ZNF225: variants seen among roughly 807,000 people sequenced by gnomAD.
ZNF225 encodes the protein zinc finger protein 225.
Under a neutral mutation model 12.0 loss-of-function variants are expected in ZNF225, and 6 were observed. That is an observed-to-expected ratio of 0.50 (90% CI 0.27 to 0.98). The LOEUF is 0.98. Ranked by LOEUF, ZNF225 falls within the 50% of genes least tolerant of loss-of-function variation. The pLI is 0.11. For synonymous variants in ZNF225, 271 were observed against 283.2 expected (o/e 0.96, Z 0.43); for missense variants, 763 against 848.2 (o/e 0.90, Z 1.25).
intron 4 of ZNF225, among the ~76,000 whole-genome samples, chr19:44,122,646 A>G (rs1968076972): frequency 6.6e-6 from 1 of 152,086 alleles, no homozygotes; most frequent in Admixed American, 6.6e-5. Context: ...ATGTGTTTCC[A>G]TTTGTTTGTG....
intron 4 of ZNF225, among the ~76,000 whole-genome samples, chr19:44,118,992 A>AT (rs1403137293): frequency 6.6e-6 from 1 of 151,442 alleles, no homozygotes; most frequent in Admixed American, 6.6e-5. Context: ...AATTTTTTGT[A>AT]TTTTTAGTAG....
chr19:44,132,645 G>T lies in ZNF225; in HGVS notation c.2031G>T (p.Glu677Asp). 1 of 1,613,808 alleles carries T rather than the reference G, an allele frequency of 6.2e-7. No individual in the cohort carries two copies. The highest frequency in any genetic ancestry group is 8.5e-7 in the Non-Finnish European group (1 of 1,179,930). ...ACCAACAAAGAGACCAAAGTGGAGA[G>T]AAAACATCTAAATGTGAGGACTGTG... ...LKDQQRDQSG[E>D]KTSKCEDCGK... is the part of the protein sequence containing the mutation. The change falls in exon 5 of 5, where the codon GAG becomes GAT. Residue 677 changes from glutamate (E) to aspartate (D), a missense_variant. By Grantham distance (45) the Glu-to-Asp change is conservative (BLOSUM62 2). Transcript: ENST00000262894.
rs538284336 is a variant in ZNF225 at position 44,131,461 on chromosome 19, A to G, written c.847A>G (p.Thr283Ala). The change falls in exon 5 of 5, where the codon ACT becomes GCT. Residue 283 changes from threonine to alanine, a missense_variant. Thr to Ala is a moderately conservative substitution (Grantham distance 58). Transcript: ENST00000262894. ...SQLQEHQRIH[T>A]GEKPFKCDIC... ...GCTTCAGGAACATCAAAGAATCCATACTGGGGAGAAGCCATTCAAATGTGA... is the reference window on the plus strand; with the variant it reads ...GCTTCAGGAACATCAAAGAATCCATGCTGGGGAGAAGCCATTCAAATGTGA... 2 of 1,614,232 alleles carry G rather than the reference A, an allele frequency of 1.2e-6. No homozygotes were observed. The highest frequency in any genetic ancestry group is 4.5e-5 in the East Asian group (2 of 44,884).
chr19:44,130,898 A>C lies in ZNF225; in HGVS notation c.284A>C (p.His95Pro). The change falls in exon 5 of 5, where the codon CAT becomes CCT. Residue 95 changes from histidine (H) to proline (P), a missense_variant. Transcript: ENST00000262894. Reference protein sequence around the residue: ...EMETVSESGTHEGLFSHQTWE... With the variant: ...EMETVSESGTPEGLFSHQTWE... ...GAGACTGTTTCAGAATCAGGAACACATGAAGGCTTGTTCAGTCATCAAACC... is the reference window on the plus strand; with the variant it reads ...GAGACTGTTTCAGAATCAGGAACACCTGAAGGCTTGTTCAGTCATCAAACC... 6.2e-7 allele frequency: 1 copy of C among 1,614,040 alleles called. No homozygotes were observed. The highest frequency in any genetic ancestry group is 8.5e-7 in the Non-Finnish European group (1 of 1,179,962).
rs764573428 is a variant in ZNF225, at chr19:44,118,330, C to G, written c.142+16C>G. ...CTCTCAGTGGGTGAGGACAGGCACC[C>G]TTTGTAAGGGAACATCAGGACCAGG... On this transcript the variant is annotated intron_variant, in intron 3 of 4. Coordinates refer to ENST00000262894, the MANE Select transcript of ZNF225 (RefSeq NM_013362.4). The G allele has an allele frequency of 4.3e-6, 7 of 1,610,520 alleles. No homozygotes were observed. Among genetic ancestry groups the G allele is most frequent in the Non-Finnish European group, 5.1e-6 (6 of 1,178,726 alleles).
Position 44,132,410 on chromosome 19 carries a change from AAG to A in ZNF225, c.1799_1800del (p.Glu600ValfsTer7). 6.2e-7 allele frequency: 1 copy of A among 1,614,242 alleles called. No homozygotes were observed. Among genetic ancestry groups the A allele is most frequent in the Non-Finnish European group, 8.5e-7 (1 of 1,180,038 alleles). On this transcript the variant is annotated frameshift_variant, in exon 5 of 5. Coordinates refer to ENST00000262894, the MANE Select transcript of ZNF225 (RefSeq NM_013362.4). LOFTEE classifies it low-confidence loss of function (END_TRUNC). ...GGTGATGAAAAGCCATTCAAATGTG[AAG>A]AGTGTGGGAAGAGATTTACTGAGAA... is the stretch of plus-strand genomic sequence containing the variant.
rs1360132248 is a variant in ZNF225 at position 44,132,721 on chromosome 19, T to A, written c.2107T>A (p.Leu703Ile). 6.3e-7 allele frequency: 1 copy of A among 1,596,828 alleles called. No individual in the cohort carries two copies. The highest frequency in any genetic ancestry group is 8.5e-7 in the Non-Finnish European group (1 of 1,172,386). The change falls in exon 5 of 5, where the codon TTA becomes ATA. Residue 703 changes from leucine to isoleucine, a missense_variant. Transcript: ENST00000262894. The stretch of plus-strand genomic sequence containing the variant: ...TCTTGATACGCTTTTGTCATTATTT[T>A]TAAATGACACATAACTGTTGTACTC... ...LNLDTLLSLFLNDT is the reference protein window; with the variant it reads ...LNLDTLLSLFINDT
chr19:44,129,813 T>C (rs567956881), intron 4 of ZNF225: 1 of 152,348 alleles, frequency 6.6e-6, no homozygotes, highest in South Asian at 2.1e-4. Context: ...CATGACATTT[T>C]AAGGACTGAG....
chr19:44,118,150 G>C (rs374196454), intron 2 of ZNF225, 38 bp from the exon 3 acceptor site: 1 of 1,591,476 alleles, frequency 6.3e-7, no homozygotes, highest in South Asian at 1.1e-5. Context: ...AGTAGTCATT[G>C]GTCATGAGAC....
At chr19:44,116,134 T>C (rs1184251169) in intron 2 of ZNF225, among the ~76,000 whole-genome samples, 4 of 152,214 alleles carry the variant, frequency 2.6e-5, no homozygotes, top group Admixed American at 1.3e-4. Flanking sequence ...AGTGCTGGAA[T>C]TGCAGATGTG....
intron 4 of ZNF225, among the ~76,000 whole-genome samples, chr19:44,125,585 A>T (rs1462301359): frequency 1.3e-5 from 2 of 152,226 alleles, no homozygotes; most frequent in Non-Finnish European, 2.9e-5. Flanking sequence ...CTAGGTGTCT[A>T]GCAAGGCTGG....
chr19:44,118,440 A>G (rs1967987389), intron 3 of ZNF225, 42 bp from the exon 4 acceptor site: 3 of 1,611,552 alleles, frequency 1.9e-6, no homozygotes, highest in South Asian at 2.2e-5. Context: ...ATTTTTTTCT[A>G]GGATATATTG....
chr19:44,118,604 G>A, intron 4 of ZNF225, 30 bp downstream of exon 4: 1 of 1,595,818 alleles, frequency 6.3e-7, no homozygotes, highest in Non-Finnish European at 8.6e-7. Context: ...GTGTCCTTGT[G>A]CGTGACTCTC....
chr19:44,131,145 A>C lies in ZNF225; in HGVS notation c.531A>C (p.Thr177=). Residue 177 remains threonine (T), a synonymous_variant, in exon 5 of 5, where the codon ACA becomes ACC. Coordinates refer to ENST00000262894, the MANE Select transcript of ZNF225 (RefSeq NM_013362.4). ...TACAGTCAAGAGAGAAGTCTCATAC[A>C]TGTGATGAATGTGGAAAGAGTTTCT... ...QQLQSREKSH[T]CDECGKSFCY... 5 of 1,614,178 alleles carry C rather than the reference A, an allele frequency of 3.1e-6. No homozygotes were observed. The highest frequency in any genetic ancestry group is 4.2e-6 in the Non-Finnish European group (5 of 1,180,026).
intron 4 of ZNF225, among the ~76,000 whole-genome samples, chr19:44,123,661 A>G (rs532841443): frequency 2.0e-5 from 3 of 152,142 alleles, no homozygotes; most frequent in South Asian, 2.1e-4. Flanking sequence ...TACCATTTCA[A>G]TCTCATGGCT....
chr19:44,129,286 A>G, intron 4 of ZNF225: 1 of 401,782 alleles, frequency 2.5e-6, no homozygotes, highest in Non-Finnish European at 4.3e-6. Flanking sequence ...CTGTCACTGC[A>G]TACCAATGAC....
chr19:44,125,286 T>C (rs1375810818), intron 4 of ZNF225, among the ~76,000 whole-genome samples: 2 of 152,222 alleles, frequency 1.3e-5, no homozygotes, highest in Admixed American at 6.5e-5. Context: ...CTTCCATTCA[T>C]ATATGATGCT....
In ZNF225 at chr19:44,134,268, G is replaced by C. The variant is rs111564407; in HGVS notation, c.*1533G>C. ...TACAATGGAAATTAATTATCAACCC[G>C]TACCAAAGGTTCTTATTGGAACTAA... On this transcript the variant is annotated 3_prime_UTR_variant, in exon 5 of 5. Transcript: ENST00000262894. 6.6e-6 allele frequency: 1 copy of C among 152,084 alleles called. No individual in the cohort carries two copies. Among genetic ancestry groups the C allele is most frequent in the Non-Finnish European group, 1.5e-5 (1 of 68,022 alleles). 9.4% of individuals were successfully genotyped at this position (152,084 alleles called of 1,614,324 possible). A position where few individuals can be genotyped will look rare whatever the true frequency, so the allele number is the denominator to read the frequency against.
chr19:44,119,167 C>T (rs1034095517), intron 4 of ZNF225, among the ~76,000 whole-genome samples: 1 of 152,060 alleles, frequency 6.6e-6, no homozygotes, highest in Admixed American at 6.5e-5. Flanking sequence ...TTTTAGAGAC[C>T]ATGTGATCTG....
Sources: gnomAD v4.1 joint callset for allele counts (sites outside exome capture counted in the v4.1 genomes callset) on GRCh38, gnomAD v4.1.1 for gene constraint, MANE v1.5 for transcripts, NCBI Gene and HGNC (gene_info 2026-07-23, HGNC 2026-07-21) for gene names.